CACNA1C: variants seen among roughly 807,000 people sequenced by gnomAD.
CACNA1C encodes the protein calcium voltage-gated channel subunit alpha1 C, also known as voltage-dependent L-type calcium channel subunit alpha-1C.
CACNA1C carries 30 observed loss-of-function variants against 229.0 expected under a neutral mutation model. The observed-to-expected ratio is 0.13, with a 90% CI of 0.10 to 0.18. CACNA1C has a LOEUF of 0.18. Ranked by LOEUF, CACNA1C falls within the 10% of genes least tolerant of loss-of-function variation. The pLI, the probability that CACNA1C is intolerant of heterozygous loss-of-function variation, is 1.00. For missense variants in CACNA1C, 1,658 were observed against 2,845.0 expected (o/e 0.58, Z 9.49); for synonymous variants, 1,114 against 1,132.5 (o/e 0.98, Z 0.33).
At chr12:2,244,682 T>A (rs960144346) in intron 3 of CACNA1C, among the ~76,000 whole-genome samples, 2 of 152,208 alleles carry the variant, frequency 1.3e-5, no homozygotes, top group Non-Finnish European at 2.9e-5. Context: ...ATCACCTGCT[T>A]TGGGCTGTGC....
chr12:2,327,505 C>T (rs1481914354), intron 3 of CACNA1C, among the ~76,000 whole-genome samples: 1 of 152,212 alleles, frequency 6.6e-6, no homozygotes, highest in Non-Finnish European at 1.5e-5. Flanking sequence ...TGTGCCTTGG[C>T]ATTCACTGTG....
chr12:2,048,054 A>T (rs1195529240), upstream of CACNA1C, among the ~76,000 whole-genome samples: 1 of 152,214 alleles, frequency 6.6e-6, no homozygotes, highest in Non-Finnish European at 1.5e-5. Flanking sequence ...ATCTAGCAGG[A>T]GCTGGAGGAG....
intron 3 of CACNA1C, among the ~76,000 whole-genome samples, chr12:2,327,405 A>C (rs1013104393): frequency 6.6e-6 from 1 of 152,234 alleles, no homozygotes; most frequent in Non-Finnish European, 1.5e-5. Flanking sequence ...TAGGTTGCCT[A>C]TCCTCCCCTT....
intron 1 of CACNA1C, among the ~76,000 whole-genome samples, chr12:2,033,881 C>G (rs1015533937): frequency 7.2e-5 from 11 of 152,172 alleles, no homozygotes; most frequent in Non-Finnish European, 5.9e-5. Flanking sequence ...CCATACTGCC[C>G]TCGAAGACAG....
At chr12:2,097,291 G>A (rs184832971) in intron 1 of CACNA1C, among the ~76,000 whole-genome samples, 2,392 of 152,004 alleles carry the variant, frequency 0.016, 48 homozygotes, top group African/African-American at 0.052. Flanking sequence ...GACTACAGGC[G>A]CCTGCCACCA....
At chr12:2,572,383 T>TCCCCTCCTCCTTC (rs1568496107) in intron 13 of CACNA1C, among the ~76,000 whole-genome samples, 12 of 2,384 alleles carry the variant, frequency 5.0e-3, no homozygotes, top group African/African-American at 7.3e-3. Context: ...CTTCCTCCTC[T>TCCCCTCCTCCTTC]TCCTCCTCCT....
At chr12:2,183,373 C>T (rs1288409421) in intron 3 of CACNA1C, among the ~76,000 whole-genome samples, 3 of 152,202 alleles carry the variant, frequency 2.0e-5, no homozygotes, top group Admixed American at 6.5e-5. Context: ...GTCTGTGTCC[C>T]GCTGATCTGG....
At chr12:2,481,416 T>C (rs2099675242) in intron 5 of CACNA1C, among the ~76,000 whole-genome samples, 1 of 152,238 alleles carries the variant, frequency 6.6e-6, no homozygotes, top group Non-Finnish European at 1.5e-5. Flanking sequence ...TCTAAGCCTT[T>C]CCTAACCGGA....
Position 2,354,707 on chromosome 12 carries a change from A to C in CACNA1C, c.478-94269A>C, listed in dbSNP as rs7316040. Among the ~76,000 whole-genome samples, 6,061 of 152,184 alleles carry C rather than the reference A, an allele frequency of 0.04. 265 individuals carry two copies. Among genetic ancestry groups the C allele is most frequent in the African/African-American group, 0.11 (4,387 of 41,498 alleles). On this transcript the variant is annotated intron_variant, in intron 3 of 46. Transcript: ENST00000399655. This position sits in a 1 kb window ranked among gnomAD's most constrained non-coding sequence, Gnocchi z 4.6. ...GGCTTGTAATTTGGCTTTTCTGAGC[A>C]TGGCAAGAGAATCCTGCATGTCACT... is the stretch of plus-strand genomic sequence containing the variant.
At chr12:2,532,291 C>T (rs2099842867) in intron 9 of CACNA1C, among the ~76,000 whole-genome samples, 1 of 152,182 alleles carries the variant, frequency 6.6e-6, no homozygotes, top group Non-Finnish European at 1.5e-5. Flanking sequence ...CCTCTTGCCT[C>T]TGGCCCAGGC....
Position 2,115,168 on chromosome 12 carries a change from G to C in CACNA1C, c.50-56G>C, listed in dbSNP as rs12582032. The C allele has an allele frequency of 3.0e-6, 4 of 1,318,642 alleles. No homozygotes were observed. The African/African-American group carries it at 5.9e-5, about 20-fold the overall frequency. 81.7% of individuals were successfully genotyped at this position (1,318,642 alleles called of 1,614,324 possible). A position where few individuals can be genotyped will look rare whatever the true frequency, so the allele number is the denominator to read the frequency against. On this transcript the variant is annotated intron_variant, in intron 1 of 46. Coordinates refer to ENST00000399655, the MANE Select transcript of CACNA1C (RefSeq NM_000719.7). ...TGAATCTGGGGTCCAGAGAGTGTCGGAAGTGCCCCTGTTTTCTATCTAGTA... is the reference window on the plus strand; with the variant it reads ...TGAATCTGGGGTCCAGAGAGTGTCGCAAGTGCCCCTGTTTTCTATCTAGTA...
chr12:2,370,957 C>G (rs765322725), intron 3 of CACNA1C, among the ~76,000 whole-genome samples: 6 of 152,118 alleles, frequency 3.9e-5, no homozygotes, highest in Non-Finnish European at 5.9e-5. Flanking sequence ...GGTGTGTCCT[C>G]CTCTCATGTT....
chr12:2,150,470 A>G (rs1395499456), intron 3 of CACNA1C, among the ~76,000 whole-genome samples: 1 of 152,190 alleles, frequency 6.6e-6, no homozygotes, highest in Non-Finnish European at 1.5e-5. Flanking sequence ...ACCAAAGAAG[A>G]ACAAGAGCCG....
At chr12:2,423,467 G>A (rs1421450773) in intron 3 of CACNA1C, among the ~76,000 whole-genome samples, 1 of 152,122 alleles carries the variant, frequency 6.6e-6, no homozygotes, top group Non-Finnish European at 1.5e-5. Context: ...CGGTAGGATG[G>A]GGTAATATAC....
intron 29 of CACNA1C, among the ~76,000 whole-genome samples, chr12:2,628,755 A>G (rs1223357833): frequency 6.7e-6 from 1 of 149,748 alleles, no homozygotes; most frequent in Non-Finnish European, 1.5e-5. Flanking sequence ...AAAAAAAATT[A>G]AACAATTAGA....
chr12:1,984,642 A>C (rs1408679923), intron 1 of CACNA1C, among the ~76,000 whole-genome samples: 1 of 151,956 alleles, frequency 6.6e-6, no homozygotes, highest in Non-Finnish European at 1.5e-5. Flanking sequence ...AGAAAAAATA[A>C]ATCTTTTGTA....
At position 2,530,758 on chromosome 12, in the gene CACNA1C, A is replaced by G. The variant is rs188252213; in HGVS notation, c.1390+17774A>G. On this transcript the variant is annotated intron_variant, in intron 9 of 46. Transcript: ENST00000399655. ...TCATTTCCAGGATAGGGACCATGCCATGGGTAAGTGACCGTTAACACGCAG... is the reference window on the plus strand; with the variant it reads ...TCATTTCCAGGATAGGGACCATGCCGTGGGTAAGTGACCGTTAACACGCAG... Among the ~76,000 whole-genome samples the G allele has an allele frequency of 6.1e-4, 93 of 152,312 alleles. 1 individual carries two copies. Among genetic ancestry groups the G allele is most frequent in the Middle Eastern group, 3.4e-3 (1 of 294 alleles).
rs539155276 is a variant in CACNA1C, at chr12:2,469,868, A to G, written c.757+12162A>G. The stretch of plus-strand genomic sequence containing the variant: ...CCAGAAATTGTTAGACTTACCTTCT[A>G]TGGTCAACAAGAGCTTTCCTGAATT... On this transcript the variant is annotated intron_variant, in intron 5 of 46. Coordinates refer to ENST00000399655, the MANE Select transcript of CACNA1C (RefSeq NM_000719.7). Among the ~76,000 whole-genome samples the G allele has an allele frequency of 7.0e-4, 106 of 152,358 alleles. 1 individual carries two copies. Among genetic ancestry groups the G allele is most frequent in the African/African-American group, 2.4e-3 (101 of 41,588 alleles).
rs2096943433 is a variant in CACNA1C, at chr12:2,678,596, C to T, written c.5091+729C>T. Among the ~76,000 whole-genome samples, 2 of 152,240 alleles carry T rather than the reference C, an allele frequency of 1.3e-5. No individual in the cohort carries two copies. Among genetic ancestry groups the T allele is most frequent in the African/African-American group, 4.8e-5 (2 of 41,468 alleles). On this transcript the variant is annotated intron_variant, in intron 41 of 46. Coordinates refer to ENST00000399655, the MANE Select transcript of CACNA1C (RefSeq NM_000719.7). This position sits in a 1 kb window ranked among gnomAD's most constrained non-coding sequence, Gnocchi z 4.1. The stretch of plus-strand genomic sequence containing the variant: ...CCTGCTCACACCGCTCTCTCCCGGC[C>T]GCGGGCCCAGTTCCCAGGCTGTGGA...
Sources: allele counts gnomAD v4.1 joint callset (sites outside exome capture counted in the v4.1 genomes callset), GRCh38; gene constraint gnomAD v4.1.1; non-coding constraint Gnocchi (gnomAD v3.1); transcripts MANE v1.5; gene names NCBI Gene and HGNC (gene_info 2026-07-23, HGNC 2026-07-21).